Variants in ACOT7 observed in about 807,000 individuals in gnomAD.
The protein encoded by ACOT7 is acyl-CoA thioesterase 7.
Under a neutral mutation model 40.2 loss-of-function variants are expected in ACOT7, and 12 were observed. The ratio of observed to expected loss-of-function variants is 0.30; its 90% CI spans 0.19 to 0.48. ACOT7 has a LOEUF of 0.48. Ranked by LOEUF, ACOT7 falls within the 20% of genes least tolerant of loss-of-function variation. ACOT7 has a pLI of 0.99. For synonymous variants in ACOT7, 228 were observed against 219.5 expected (o/e 1.04, Z -0.34); for missense variants, 395 against 530.8 (o/e 0.74, Z 2.51).
chr1:6,350,202 G>T (rs1375391675), intron 1 of ACOT7, among the ~76,000 whole-genome samples: 1 of 152,194 alleles, frequency 6.6e-6, no homozygotes, highest in Non-Finnish European at 1.5e-5. Context: ...GGGAGGTGGT[G>T]ATCAGCCCTT....
chr1:6,347,868 T>C (rs1245758267), intron 2 of ACOT7, among the ~76,000 whole-genome samples: 1 of 152,028 alleles, frequency 6.6e-6, no homozygotes, highest in Non-Finnish European at 1.5e-5. Context: ...CTTTGCAGAA[T>C]GTCAAGTGCT....
At chr1:6,392,760 G>A (rs554667371) in intron 1 of ACOT7, among the ~76,000 whole-genome samples, 8 of 152,312 alleles carry the variant, frequency 5.3e-5, no homozygotes, top group Non-Finnish European at 8.8e-5. Flanking sequence ...CCCACCGAGG[G>A]GCTCGCGCGG....
chr1:6,382,375 G>A (rs1489955619), intron 1 of ACOT7, among the ~76,000 whole-genome samples: 3 of 152,024 alleles, frequency 2.0e-5, no homozygotes, highest in African/African-American at 7.2e-5. Context: ...CCGCACTCCA[G>A]CCTGGGCGAC....
intron 1 of ACOT7, among the ~76,000 whole-genome samples, chr1:6,375,839 G>A (rs540455755): frequency 2.0e-5 from 3 of 151,998 alleles, no homozygotes; most frequent in South Asian, 2.1e-4. Flanking sequence ...TCGGGAGGCC[G>A]AGACAGAAGA....
chr1:6,269,773 C>T (rs1326131999), intron 8 of ACOT7, among the ~76,000 whole-genome samples: 2 of 152,254 alleles, frequency 1.3e-5, no homozygotes, highest in East Asian at 1.9e-4. Context: ...CTGCTCTTCC[C>T]GTCTCCCGGG....
chr1:6,370,756 G>A (rs1045937482), intron 1 of ACOT7, among the ~76,000 whole-genome samples: 1 of 151,586 alleles, frequency 6.6e-6, no homozygotes, highest in African/African-American at 2.4e-5. Context: ...GCCTCCCACA[G>A]TGCTGGGATT....
At chr1:6,277,542 G>A (rs762126920) in intron 8 of ACOT7, among the ~76,000 whole-genome samples, 3 of 152,200 alleles carry the variant, frequency 2.0e-5, no homozygotes, top group Non-Finnish European at 2.9e-5. Flanking sequence ...GCCCTGCCCC[G>A]TCCTAGCCGG....
chr1:6,367,477 T>C (rs912150404), intron 1 of ACOT7, among the ~76,000 whole-genome samples: 19 of 152,148 alleles, frequency 1.2e-4, no homozygotes, highest in African/African-American at 4.6e-4. Flanking sequence ...GCGAGCAGTG[T>C]GTGAGTGAGC....
At chr1:6,298,373 G>A (rs1339466476) in intron 6 of ACOT7, among the ~76,000 whole-genome samples, 1 of 152,086 alleles carries the variant, frequency 6.6e-6, no homozygotes, top group African/African-American at 2.4e-5. Context: ...GACTTCAAGT[G>A]ATCCACCTGC....
At chr1:6,369,236 C>T (rs1165802317) in intron 1 of ACOT7, among the ~76,000 whole-genome samples, 1 of 152,088 alleles carries the variant, frequency 6.6e-6, no homozygotes, top group South Asian at 2.1e-4. Flanking sequence ...CCACTTTGAC[C>T]TCCCAAAGTG....
chr1:6,386,518 C>T (rs1642443776), intron 1 of ACOT7, among the ~76,000 whole-genome samples: 2 of 152,252 alleles, frequency 1.3e-5, no homozygotes, highest in East Asian at 3.9e-4. Flanking sequence ...AGTACGACAT[C>T]GTAAATATGT....
intron 8 of ACOT7, among the ~76,000 whole-genome samples, chr1:6,267,389 G>T (rs943413212): frequency 1.3e-5 from 2 of 152,368 alleles, no homozygotes; most frequent in East Asian, 3.9e-4. Context: ...GTGTCCTGGG[G>T]GGCTGGTGGG....
chr1:6,280,452 C>T (rs919840121), intron 8 of ACOT7, among the ~76,000 whole-genome samples: 2 of 152,234 alleles, frequency 1.3e-5, no homozygotes, highest in African/African-American at 2.4e-5. Context: ...AGCTCTCAAA[C>T]GTGGCAGAGC....
intron 1 of ACOT7, among the ~76,000 whole-genome samples, chr1:6,386,792 G>T (rs2148483627): frequency 6.6e-6 from 1 of 152,278 alleles, no homozygotes; most frequent in Non-Finnish European, 1.5e-5. Flanking sequence ...CCAGAAGGTT[G>T]GGGCTGCAGA....
At chr1:6,309,443 C>T (rs1430557133) in intron 6 of ACOT7, among the ~76,000 whole-genome samples, 5 of 152,138 alleles carry the variant, frequency 3.3e-5, no homozygotes, top group Admixed American at 1.3e-4. Flanking sequence ...CGCCTCCTTC[C>T]TGTGGGTGGA....
intron 8 of ACOT7, among the ~76,000 whole-genome samples, chr1:6,273,867 G>A (rs1336718886): frequency 6.6e-6 from 1 of 152,216 alleles, no homozygotes; most frequent in Non-Finnish European, 1.5e-5. Context: ...CTGCCAGCAG[G>A]AGCCTGTGGC....
At chr1:6,345,659 G>A (rs1476403345) in intron 2 of ACOT7, among the ~76,000 whole-genome samples, 2 of 152,236 alleles carry the variant, frequency 1.3e-5, no homozygotes, top group African/African-American at 4.8e-5. Context: ...GCCCAGAGAG[G>A]GTGCGGTCTC....
intron 5 of ACOT7, among the ~76,000 whole-genome samples, chr1:6,321,886 C>T (rs1640654778): frequency 6.6e-6 from 1 of 152,220 alleles, no homozygotes; most frequent in South Asian, 2.1e-4. Flanking sequence ...TCTTTTCATG[C>T]CGCCAATTTC....
intron 1 of ACOT7, among the ~76,000 whole-genome samples, chr1:6,377,843 G>C (rs1642262485): frequency 6.6e-6 from 1 of 152,188 alleles, no homozygotes; most frequent in South Asian, 2.1e-4. Flanking sequence ...AGCCTAGGCG[G>C]ACGGATCACA....
Sources: gnomAD v4.1 joint callset for allele counts (sites outside exome capture counted in the v4.1 genomes callset) on GRCh38, gnomAD v4.1.1 for gene constraint, MANE v1.5 for transcripts, NCBI Gene and HGNC (gene_info 2026-07-23, HGNC 2026-07-21) for gene names.